Variants in PLCE1 observed in about 807,000 individuals in gnomAD.
PLCE1 encodes phospholipase C epsilon 1.
Under a neutral mutation model 242.8 loss-of-function variants are expected in PLCE1, and 119 were observed. The ratio of observed to expected loss-of-function variants is 0.49; its 90% CI spans 0.42 to 0.57. The LOEUF is 0.57. Ranked by LOEUF, PLCE1 falls within the 20% of genes least tolerant of loss-of-function variation. The pLI, the probability that PLCE1 is intolerant of heterozygous loss-of-function variation, is 0.00. For missense variants in PLCE1, 2,441 were observed against 2,788.8 expected, an observed-to-expected ratio of 0.88 and a Z score of 2.81; for synonymous variants, 945 against 1,017.4, an observed-to-expected ratio of 0.93 and a Z score of 1.35.
intron 2 of PLCE1, among the ~76,000 whole-genome samples, chr10:94,062,269 C>T (rs1037876603): frequency 6.6e-6 from 1 of 151,750 alleles, no homozygotes; most frequent in Non-Finnish European, 1.5e-5. Context: ...AATGGTTAGA[C>T]TCCTTCCTTC....
chr10:94,214,625 C>A (rs2049455754), intron 4 of PLCE1, among the ~76,000 whole-genome samples: 1 of 152,168 alleles, frequency 6.6e-6, no homozygotes, highest in Non-Finnish European at 1.5e-5. Flanking sequence ...CCATTTTATT[C>A]CCTTCCGCTC....
intron 3 of PLCE1, among the ~76,000 whole-genome samples, chr10:94,168,499 A>G (rs1179136408): frequency 1.3e-5 from 2 of 152,162 alleles, no homozygotes; most frequent in African/African-American, 4.8e-5. Flanking sequence ...TCATGCTTAT[A>G]CTGAGATACA....
In PLCE1 at chr10:94,130,310, T is replaced by C. The variant is rs866511233; in HGVS notation, c.1207-1864T>C. Among the ~76,000 whole-genome samples, 3 of 152,308 alleles carry C rather than the reference T, an allele frequency of 2.0e-5. No individual in the cohort carries two copies. In the South Asian group the frequency reaches 6.2e-4, roughly 32 times the overall value. ...ATAACTCCAATCACATTGCATTTCA[T>C]AGATTGTGGTCTATAGTTATACAAC... On this transcript the variant is annotated intron_variant, in intron 2 of 32. Coordinates refer to ENST00000371380, the MANE Select transcript of PLCE1 (RefSeq NM_016341.4).
At chr10:94,060,945 C>A (rs112692056) in intron 2 of PLCE1, among the ~76,000 whole-genome samples, 1 of 152,002 alleles carries the variant, frequency 6.6e-6, no homozygotes, top group Non-Finnish European at 1.5e-5. Context: ...ATCATCCACC[C>A]GCCTCGGCCT....
At chr10:94,292,583 A>G (rs2052678477) in intron 22 of PLCE1, among the ~76,000 whole-genome samples, 1 of 152,204 alleles carries the variant, frequency 6.6e-6, no homozygotes, top group African/African-American at 2.4e-5. Flanking sequence ...GAGGTTAAGT[A>G]ACTTGTGTGA....
At chr10:94,102,456 T>G (rs370740437) in intron 2 of PLCE1, among the ~76,000 whole-genome samples, 4 of 152,244 alleles carry the variant, frequency 2.6e-5, no homozygotes, top group African/African-American at 9.6e-5. Flanking sequence ...TTAATAAATA[T>G]TAAAATGATA....
At chr10:94,152,696 A>T (rs1412255242) in intron 3 of PLCE1, among the ~76,000 whole-genome samples, 2 of 152,202 alleles carry the variant, frequency 1.3e-5, no homozygotes, top group Admixed American at 1.3e-4. Context: ...TACCTAAATA[A>T]AATTTTTCAA....
In PLCE1 at chr10:94,329,172, G is replaced by A. The variant is rs889342028; in HGVS notation, c.*1229G>A. 1.3e-5 allele frequency: 2 copies of A among 152,154 alleles called. No individual in the cohort carries two copies. The highest frequency in any genetic ancestry group is 4.8e-5 in the African/African-American group (2 of 41,426). 9.4% of individuals were successfully genotyped at this position (152,154 alleles called of 1,614,324 possible). A position where few individuals can be genotyped will look rare whatever the true frequency, so the allele number is the denominator to read the frequency against. On this transcript the variant is annotated 3_prime_UTR_variant, in exon 33 of 33. Coordinates refer to ENST00000371380, the MANE Select transcript of PLCE1 (RefSeq NM_016341.4). ...TGCTTCATTTCTCATTAACTGAAGA[G>A]CTATTGATCCAAGTCATACTTGCCA...
At chr10:94,095,911 C>T (rs1303634156) in intron 2 of PLCE1, among the ~76,000 whole-genome samples, 1 of 152,148 alleles carries the variant, frequency 6.6e-6, no homozygotes, top group Non-Finnish European at 1.5e-5. Context: ...CTTTTTGTGG[C>T]CCAGCTCCCA....
chr10:94,217,118 A>G (rs541967711), intron 4 of PLCE1, among the ~76,000 whole-genome samples: 44 of 151,598 alleles, frequency 2.9e-4, no homozygotes, highest in South Asian at 1.5e-3. Context: ...GCTCATTCCT[A>G]CTTTGCAGGT....
At chr10:94,241,573 C>T (rs1300233077) in intron 7 of PLCE1, among the ~76,000 whole-genome samples, 1 of 152,104 alleles carries the variant, frequency 6.6e-6, no homozygotes, top group Admixed American at 6.5e-5. Flanking sequence ...AGGTGGATCA[C>T]AAGGTCAGGA....
intron 20 of PLCE1, among the ~76,000 whole-genome samples, chr10:94,282,865 C>T (rs2052292412): frequency 1.3e-5 from 2 of 152,120 alleles, no homozygotes; most frequent in South Asian, 4.1e-4. Flanking sequence ...ATTTTAACTG[C>T]ATGGATGTCA....
chr10:94,239,660 CT>C (rs2050437162), intron 7 of PLCE1, among the ~76,000 whole-genome samples: 1 of 152,194 alleles, frequency 6.6e-6, no homozygotes, highest in Non-Finnish European at 1.5e-5. Context: ...CTCTCCCTTA[CT>C]GCAAAGAGGT....
chr10:94,273,240 A>G (rs1242858220), intron 18 of PLCE1, among the ~76,000 whole-genome samples: 1 of 152,194 alleles, frequency 6.6e-6, no homozygotes, highest in Non-Finnish European at 1.5e-5. Flanking sequence ...ACCTTATTCT[A>G]CAAACAACAG....
At chr10:94,323,530 A>G (rs922593979) in intron 30 of PLCE1, among the ~76,000 whole-genome samples, 1 of 152,246 alleles carries the variant, frequency 6.6e-6, no homozygotes, top group African/African-American at 2.4e-5. Flanking sequence ...CTCCAGCAAA[A>G]CACTACATGG....
chr10:94,305,309 C>T (rs1187594555), intron 25 of PLCE1, among the ~76,000 whole-genome samples: 8 of 152,190 alleles, frequency 5.3e-5, no homozygotes, highest in Non-Finnish European at 8.8e-5. Flanking sequence ...GTGGTTCACA[C>T]CTGTACTCCC....
intron 3 of PLCE1, among the ~76,000 whole-genome samples, chr10:94,139,857 G>A (rs772147955): frequency 1.3e-4 from 20 of 152,106 alleles, no homozygotes; most frequent in Non-Finnish European, 2.8e-4. Flanking sequence ...TTCTTTCCAG[G>A]TTCCTAAGGT....
At chr10:94,290,611 C>G (rs1317184870) in intron 22 of PLCE1, among the ~76,000 whole-genome samples, 1 of 151,552 alleles carries the variant, frequency 6.6e-6, no homozygotes, top group Admixed American at 6.6e-5. Flanking sequence ...CCCATGATAA[C>G]AACGCTTTCT....
chr10:94,275,094 C>T (rs989871835), intron 19 of PLCE1, among the ~76,000 whole-genome samples: 1 of 152,194 alleles, frequency 6.6e-6, no homozygotes, highest in Non-Finnish European at 1.5e-5. Flanking sequence ...CTTGCCTTTT[C>T]CATTCTGTGC....
Sources: gnomAD v4.1 joint callset for allele counts (sites outside exome capture counted in the v4.1 genomes callset) on GRCh38, gnomAD v4.1.1 for gene constraint, MANE v1.5 for transcripts, NCBI Gene and HGNC (gene_info 2026-07-23, HGNC 2026-07-21) for gene names.